ANKS1B: variants seen among roughly 807,000 people sequenced by gnomAD.
The protein encoded by ANKS1B is ankyrin repeat and sterile alpha motif domain-containing protein 1B.
Under a neutral mutation model 148.3 loss-of-function variants are expected in ANKS1B, and 36 were observed. The observed-to-expected ratio is 0.24, with a 90% CI of 0.19 to 0.32. ANKS1B has a LOEUF of 0.32. Ranked by LOEUF, ANKS1B falls within the 10% of genes least tolerant of loss-of-function variation. The pLI is 1.00. For missense variants in ANKS1B, 1,157 were observed against 1,542.6 expected (o/e 0.75, Z 4.19); for synonymous variants, 542 against 560.8 (o/e 0.97, Z 0.47).
intron 15 of ANKS1B, among the ~76,000 whole-genome samples, chr12:99,120,959 TA>T (rs1235580844): frequency 6.6e-6 from 1 of 152,218 alleles, no homozygotes; most frequent in African/African-American, 2.4e-5. Context: ...ACAGGGCTAG[TA>T]AAGCGTATCG....
In ANKS1B at chr12:99,741,749, G is replaced by T. The variant is rs530690400; in HGVS notation, c.1128+31173C>A. ...ATCACACACTGGGGCCTGTCGAGGT[G>T]GGGGGCAAGGGGAGGGATAGCATTA... On this transcript the variant is annotated intron_variant, in intron 8 of 26. Transcript: ENST00000683438. Among the ~76,000 whole-genome samples the T allele has an allele frequency of 1.8e-4, 27 of 152,060 alleles. No homozygotes were observed. The East Asian group carries it at 4.5e-3, about 25-fold the overall frequency.
At chr12:99,234,572 T>C (rs939609100) in intron 14 of ANKS1B, among the ~76,000 whole-genome samples, 1 of 152,158 alleles carries the variant, frequency 6.6e-6, no homozygotes, top group Admixed American at 6.5e-5. Context: ...TGCATCACAA[T>C]AGGACAAGGT....
intron 9 of ANKS1B, among the ~76,000 whole-genome samples, chr12:99,561,526 C>A (rs1316440268): frequency 1.3e-5 from 2 of 152,092 alleles, no homozygotes; most frequent in Non-Finnish European, 2.9e-5. Flanking sequence ...TTATCTGTTG[C>A]ATGTAAGCAT....
chr12:98,748,662 G>T lies in ANKS1B; in HGVS notation c.3747+2693C>A, dbSNP rs111861836. On this transcript the variant is annotated intron_variant, in intron 26 of 26. Coordinates refer to ENST00000683438, the MANE Select transcript of ANKS1B (RefSeq NM_001352186.2). ...AATATTTCTTACCAAGAAATGCCTG[G>T]GGCTGAAGGAACTAGAATACTAATG... Among the ~76,000 whole-genome samples, 181 of 152,278 alleles carry T rather than the reference G, an allele frequency of 1.2e-3. 1 individual carries two copies. The highest frequency in any genetic ancestry group is 4.1e-3 in the African/African-American group (172 of 41,558).
chr12:99,645,866 C>T (rs905057954), intron 9 of ANKS1B, among the ~76,000 whole-genome samples: 17 of 152,118 alleles, frequency 1.1e-4, no homozygotes, highest in Admixed American at 6.5e-5. Context: ...GAGGTTCCAC[C>T]GTTGTCAGTC....
intron 10 of ANKS1B, among the ~76,000 whole-genome samples, chr12:99,464,337 G>T (rs1279637512): frequency 2.0e-5 from 3 of 152,070 alleles, no homozygotes; most frequent in Non-Finnish European, 4.4e-5. Flanking sequence ...CTACAAAGAT[G>T]GGGAAAAAAC....
intron 14 of ANKS1B, among the ~76,000 whole-genome samples, chr12:99,183,455 A>G (rs1399938372): frequency 1.3e-5 from 2 of 152,198 alleles, no homozygotes; most frequent in Non-Finnish European, 2.9e-5. Context: ...CAGCCTGGCC[A>G]ACATGGTGAA....
intron 15 of ANKS1B, among the ~76,000 whole-genome samples, chr12:99,113,543 G>A (rs986587791): frequency 1.3e-5 from 2 of 152,122 alleles, no homozygotes; most frequent in South Asian, 2.1e-4. Context: ...AAATATATAC[G>A]ATTCAATTCC....
chr12:99,100,597 T>C (rs780868264), intron 15 of ANKS1B, among the ~76,000 whole-genome samples: 1 of 152,248 alleles, frequency 6.6e-6, no homozygotes, highest in Non-Finnish European at 1.5e-5. Flanking sequence ...TGGCATGATC[T>C]TGGCTCATTG....
chr12:98,858,695 G>C (rs749815964), intron 17 of ANKS1B, among the ~76,000 whole-genome samples: 1 of 152,132 alleles, frequency 6.6e-6, no homozygotes, highest in Non-Finnish European at 1.5e-5. Context: ...AGAACAGGCT[G>C]GGGTTAGAGT....
At chr12:98,821,935 C>T (rs2099197676) in intron 19 of ANKS1B, among the ~76,000 whole-genome samples, 3 of 143,692 alleles carry the variant, frequency 2.1e-5, no homozygotes, top group Non-Finnish European at 3.0e-5. Context: ...TTTTTTGACA[C>T]TCTTGGAAAG....
At chr12:99,082,195 G>C (rs573171268) in intron 16 of ANKS1B, among the ~76,000 whole-genome samples, 1 of 152,116 alleles carries the variant, frequency 6.6e-6, no homozygotes, top group Admixed American at 6.6e-5. Context: ...CTTCCTGAGG[G>C]TGAGATGGAA....
chr12:99,109,678 A>C (rs1333827141), intron 15 of ANKS1B, among the ~76,000 whole-genome samples: 2 of 152,228 alleles, frequency 1.3e-5, no homozygotes, highest in African/African-American at 2.4e-5. Flanking sequence ...GCTGAGGCAC[A>C]GAGAAGTAAG....
intron 17 of ANKS1B, among the ~76,000 whole-genome samples, chr12:98,966,163 A>C (rs2099877680): frequency 6.6e-6 from 1 of 152,230 alleles, no homozygotes; most frequent in Non-Finnish European, 1.5e-5. Context: ...ACAAAGGGCT[A>C]ATATCCAGAA....
chr12:99,920,137 A>T (rs1438368518), intron 1 of ANKS1B, among the ~76,000 whole-genome samples: 1 of 152,138 alleles, frequency 6.6e-6, no homozygotes, highest in African/African-American at 2.4e-5. Flanking sequence ...AACAATTTTC[A>T]TTCATGTCCC....
intron 10 of ANKS1B, among the ~76,000 whole-genome samples, chr12:99,455,519 C>A (rs2095833600): frequency 6.6e-6 from 1 of 152,134 alleles, no homozygotes; most frequent in African/African-American, 2.4e-5. Flanking sequence ...TAGCCTGGGG[C>A]AAGTTCTTAG....
At chr12:98,936,335 A>G (rs2099818611) in intron 17 of ANKS1B, among the ~76,000 whole-genome samples, 1 of 152,200 alleles carries the variant, frequency 6.6e-6, no homozygotes, top group African/African-American at 2.4e-5. Flanking sequence ...CTTCTTTAAA[A>G]ATGAACAATT....
chr12:99,594,761 G>A (rs2097740188), intron 9 of ANKS1B, among the ~76,000 whole-genome samples: 1 of 152,006 alleles, frequency 6.6e-6, no homozygotes, highest in Admixed American at 6.6e-5. Context: ...TAAAGTTTCA[G>A]TTATGCAAGA....
chr12:99,523,360 T>C lies in ANKS1B; in HGVS notation c.1273-18719A>G, dbSNP rs76552966. On this transcript the variant is annotated intron_variant, in intron 9 of 26. Coordinates refer to ENST00000683438, the MANE Select transcript of ANKS1B (RefSeq NM_001352186.2). ...AACATTTAAAAGGTAAAATAGTGAT[T>C]AGAATTGTTATCTATCTCTAAGGAA... 6.1e-3 allele frequency among the ~76,000 whole-genome samples: 923 copies of C among 152,264 alleles called. 11 individuals are homozygous for C. Among genetic ancestry groups the C allele is most frequent in the African/African-American group, 0.02 (820 of 41,552 alleles).
Sources: allele counts gnomAD v4.1 joint callset (sites outside exome capture counted in the v4.1 genomes callset), GRCh38; gene constraint gnomAD v4.1.1; transcripts MANE v1.5; gene names NCBI Gene and HGNC (gene_info 2026-07-23, HGNC 2026-07-21).